ZNF521: variants seen among roughly 807,000 people sequenced by gnomAD.
ZNF521 encodes the protein zinc finger protein 521, also known as LYST-interacting protein 3.
ZNF521 carries 14 observed loss-of-function variants against 105.5 expected under a neutral mutation model. That is an observed-to-expected ratio of 0.13 (90% CI 0.09 to 0.21). The LOEUF (loss-of-function observed/expected upper bound fraction) is 0.21. Ranked by LOEUF, ZNF521 falls within the 10% of genes least tolerant of loss-of-function variation. The pLI, the probability that ZNF521 is intolerant of heterozygous loss-of-function variation, is 1.00. For synonymous variants in ZNF521, 635 were observed against 606.0 expected, an observed-to-expected ratio of 1.05 and a Z score of -0.70; for missense variants, 1,233 against 1,629.7, an observed-to-expected ratio of 0.76 and a Z score of 4.19.
chr18:25,077,862 C>T (rs1235646589), intron 7 of ZNF521, among the ~76,000 whole-genome samples: 1 of 152,010 alleles, frequency 6.6e-6, no homozygotes, highest in Non-Finnish European at 1.5e-5. Flanking sequence ...AGGTTAGCAA[C>T]CAATTAATTT....
intron 5 of ZNF521, among the ~76,000 whole-genome samples, chr18:25,186,904 T>TAAAAAAA (rs113619835): frequency 1.3e-5 from 1 of 74,332 alleles, no homozygotes; most frequent in African/African-American, 4.3e-5. Flanking sequence ...AAAGTAATGC[T>TAAAAAAA]AAAAAAAAAA....
At chr18:25,163,043 T>C (rs865976031) in intron 5 of ZNF521, among the ~76,000 whole-genome samples, 5 of 152,192 alleles carry the variant, frequency 3.3e-5, no homozygotes, top group African/African-American at 1.2e-4. Flanking sequence ...TTTGCAGAGA[T>C]GCAGGCAAGA....
At chr18:25,179,117 T>G (rs12606596) in intron 5 of ZNF521, among the ~76,000 whole-genome samples, 10 of 10,284 alleles carry the variant, frequency 9.7e-4, no homozygotes, top group African/African-American at 8.5e-3. Flanking sequence ...TCTTTATTCC[T>G]TTTTTTTTTT....
rs143455415 is a variant in ZNF521, at chr18:25,340,006, T to C, written c.40+10901A>G. Among the ~76,000 whole-genome samples, 607 of 152,218 alleles carry C rather than the reference T, an allele frequency of 4.0e-3. 6 individuals are homozygous for C. Among genetic ancestry groups the C allele is most frequent in the African/African-American group, 0.014 (589 of 41,538 alleles). ...AAAAGAATACCAGCATTTGGGCAAATAGATGAACATGAATTGAAGGTGGCT... is the reference window on the plus strand; with the variant it reads ...AAAAGAATACCAGCATTTGGGCAAACAGATGAACATGAATTGAAGGTGGCT... On this transcript the variant is annotated intron_variant, in intron 2 of 7. Transcript: ENST00000361524.
intron 3 of ZNF521, among the ~76,000 whole-genome samples, chr18:25,294,108 A>G (rs899047567): frequency 3.0e-4 from 45 of 152,308 alleles, no homozygotes; most frequent in African/African-American, 9.4e-4. Flanking sequence ...ATTCTCTTTC[A>G]TTACTGGATA....
intron 5 of ZNF521, among the ~76,000 whole-genome samples, chr18:25,184,963 G>T (rs1708001403): frequency 6.6e-6 from 1 of 152,202 alleles, no homozygotes; most frequent in East Asian, 1.9e-4. Context: ...TAGTTACTGG[G>T]TAAAAACAGT....
chr18:25,303,306 G>C (rs1479864379), intron 3 of ZNF521, among the ~76,000 whole-genome samples: 2 of 107,468 alleles, frequency 1.9e-5, no homozygotes, highest in African/African-American at 9.2e-5. Context: ...GTGTGTGTGT[G>C]TGTGAGAGAG....
In ZNF521 at chr18:25,224,352, G is replaced by C. The variant is rs746089789; in HGVS notation, c.3566C>G (p.Ser1189Trp). Residue 1189 changes from serine (S) to tryptophan (W), a missense_variant, in exon 4 of 8, where the codon TCG (serine) becomes TGG (tryptophan). Transcript: ENST00000361524. Reference protein sequence around the residue: ...SPMPRISPSQSDEKKTYQCIK... With the variant: ...SPMPRISPSQWDEKKTYQCIK... The stretch of plus-strand genomic sequence containing the variant: ...TTAAAAAAGGCGAGTTACCTCATCC[G>C]ACTGGGAGGGACTGATTCTGGGCAT... The C allele has an allele frequency of 6.2e-7, 1 of 1,608,436 alleles. No homozygotes were observed. The highest frequency in any genetic ancestry group is 1.3e-5 in the African/African-American group (1 of 74,666).
chr18:25,337,688 G>A (rs958703155), intron 2 of ZNF521, among the ~76,000 whole-genome samples: 1 of 152,154 alleles, frequency 6.6e-6, no homozygotes, highest in African/African-American at 2.4e-5. Context: ...TACTTCTTTG[G>A]AGGGCACACT....
chr18:25,230,501 C>T (rs1403975119), intron 3 of ZNF521, among the ~76,000 whole-genome samples: 1 of 152,148 alleles, frequency 6.6e-6, no homozygotes, highest in Non-Finnish European at 1.5e-5. Context: ...TTATCCATCC[C>T]CATTAACTTA....
chr18:25,154,354 C>T (rs2035104238), intron 5 of ZNF521, among the ~76,000 whole-genome samples: 2 of 152,146 alleles, frequency 1.3e-5, no homozygotes, highest in Admixed American at 1.3e-4. Context: ...AGTTGGCCAA[C>T]TGACATGAAA....
intron 3 of ZNF521, among the ~76,000 whole-genome samples, chr18:25,287,276 T>G (rs1006901544): frequency 2.6e-5 from 4 of 152,196 alleles, no homozygotes; most frequent in Admixed American, 2.6e-4. Context: ...TAATTTCTTA[T>G]TCTTGCAGCG....
In ZNF521 at chr18:25,308,565, C is replaced by T. The variant is rs186571091; in HGVS notation, c.220+13443G>A. Among the ~76,000 whole-genome samples, 17 of 151,988 alleles carry T rather than the reference C, an allele frequency of 1.1e-4. No homozygotes were observed. The East Asian group carries it at 2.3e-3, about 21-fold the overall frequency. On this transcript the variant is annotated intron_variant, in intron 3 of 7. Transcript: ENST00000361524. ...ACCTGAAGCACCTCTTCCCCTTTCT[C>T]GGCCTGGCTAACTCTTGCTCATCAC...
intron 5 of ZNF521, 66 bp downstream of exon 5, chr18:25,195,094 G>T: frequency 8.4e-7 from 1 of 1,196,198 alleles, no homozygotes; most frequent in Non-Finnish European, 1.2e-6. Context: ...CTTTAACTCT[G>T]TTTAATGGTG....
chr18:25,178,358 G>A (rs2035570318), intron 5 of ZNF521, among the ~76,000 whole-genome samples: 1 of 152,156 alleles, frequency 6.6e-6, no homozygotes, highest in African/African-American at 2.4e-5. Flanking sequence ...GTGATTCTGG[G>A]TTCCACACAT....
intron 5 of ZNF521, among the ~76,000 whole-genome samples, chr18:25,169,900 T>G (rs2035416609): frequency 6.6e-6 from 1 of 152,222 alleles, no homozygotes; most frequent in Admixed American, 6.5e-5. Context: ...TATGCTGCAA[T>G]TATAAAATAC....
intron 6 of ZNF521, 78 bp from the exon 7 acceptor site, chr18:25,089,658 A>G: frequency 8.5e-7 from 1 of 1,177,324 alleles, no homozygotes; most frequent in South Asian, 1.3e-5. Flanking sequence ...GCATGAACAG[A>G]CAGCAGGCCG....
intron 5 of ZNF521, among the ~76,000 whole-genome samples, chr18:25,100,076 C>CT: frequency 6.7e-6 from 1 of 150,126 alleles, no homozygotes. Flanking sequence ...AGGGCCTTTT[C>CT]TTTTTTTCTT....
chr18:25,074,373 A>C (rs2033308210), intron 7 of ZNF521, among the ~76,000 whole-genome samples: 1 of 152,130 alleles, frequency 6.6e-6, no homozygotes, highest in Non-Finnish European at 1.5e-5. Context: ...TAAAAAACCC[A>C]AGTTTGGAGA....
Sources: allele counts gnomAD v4.1 joint callset (sites outside exome capture counted in the v4.1 genomes callset), GRCh38; gene constraint gnomAD v4.1.1; transcripts MANE v1.5; gene names NCBI Gene and HGNC (gene_info 2026-07-23, HGNC 2026-07-21).